ARHGAP32: variants seen among roughly 807,000 people sequenced by gnomAD.
ARHGAP32 encodes the protein Rho GTPase activating protein 32.
ARHGAP32 carries 51 observed loss-of-function variants against 186.5 expected under a neutral mutation model. That is an observed-to-expected ratio of 0.27 (90% confidence interval 0.22 to 0.35). The LOEUF (loss-of-function observed/expected upper bound fraction) is 0.35. ARHGAP32 is among the 10% of genes least tolerant of loss of function. The pLI is 1.00. For missense variants in ARHGAP32, 2,186 were observed against 2,623.5 expected (o/e 0.83, Z 3.64); for synonymous variants, 950 against 964.3 (o/e 0.99, Z 0.27).
In ARHGAP32 at chr11:129,237,111, T is replaced by C. The variant is rs186001062; in HGVS notation, c.-5+42035A>G. 7.1e-4 allele frequency among the ~76,000 whole-genome samples: 108 copies of C among 152,312 alleles called. 1 individual carries two copies. The highest frequency in any genetic ancestry group is 3.4e-3 in the Middle Eastern group (1 of 294). On this transcript the variant is annotated intron_variant, in intron 1 of 6. Coordinates refer to the ARHGAP32 transcript ENST00000525234. Reference sequence around the variant, plus strand: ...CCCTGGTATGAAACCCACTTGATCATGGTAGATTATCTTTTTGATATGCTG... The same window carrying C: ...CCCTGGTATGAAACCCACTTGATCACGGTAGATTATCTTTTTGATATGCTG...
In ARHGAP32 at chr11:128,970,747, G is replaced by A. The variant is rs774867129; in HGVS notation, c.4466C>T (p.Ser1489Phe). ...AGTGGTGACATCGGGCCTAGCAAAG[G>A]AGGAGTAAACTGTTTTCTGAGAAGC... The part of the protein sequence containing the change: ...KHASQKTVYS[S>F]FARPDVTTEP... The change falls in exon 23 of 23, where the codon TCC becomes TTC. Residue 1489 changes from serine (S) to phenylalanine (F), a missense_variant. Around this residue, in one of 5 missense-constraint regions of ARHGAP32, gnomAD observed 1,502 missense variants for 1,570.0 expected, o/e 0.96. Transcript: ENST00000682385. This position sits in a 1 kb window ranked among gnomAD's most constrained non-coding sequence, Gnocchi z 5.8. 5 of 1,614,182 alleles carry A rather than the reference G, an allele frequency of 3.1e-6. No homozygotes were observed. In the South Asian group the frequency reaches 5.5e-5, roughly 18 times the overall value.
At chr11:129,089,815 A>G (rs1941522851) in intron 6 of ARHGAP32, among the ~76,000 whole-genome samples, 2 of 152,238 alleles carry the variant, frequency 1.3e-5, no homozygotes, top group Admixed American at 1.3e-4. Context: ...GCTTGGTAAC[A>G]ATAAAAATGG....
chr11:129,061,896 G>C (rs1258603039), intron 10 of ARHGAP32, among the ~76,000 whole-genome samples: 1 of 152,142 alleles, frequency 6.6e-6, no homozygotes, highest in East Asian at 1.9e-4. Flanking sequence ...TTACATAACA[G>C]TTACAATGCC....
chr11:129,051,248 C>T (rs490885), intron 10 of ARHGAP32, among the ~76,000 whole-genome samples: 65,562 of 152,036 alleles, frequency 0.43, 14,643 homozygotes, highest in Middle Eastern at 0.59. Flanking sequence ...AACTAATTTA[C>T]ACTCCCGCCA....
intron 2 of ARHGAP32, among the ~76,000 whole-genome samples, chr11:129,135,124 C>T (rs985860750): frequency 6.6e-6 from 1 of 152,150 alleles, no homozygotes; most frequent in Non-Finnish European, 1.5e-5. Context: ...AATGTCAAGG[C>T]ATCAATTCTT....
intron 12 of ARHGAP32, among the ~76,000 whole-genome samples, chr11:128,992,740 T>C (rs186977943): frequency 6.6e-6 from 1 of 152,168 alleles, no homozygotes; most frequent in African/African-American, 2.4e-5. Flanking sequence ...TGAGCCGAGA[T>C]TGTGCCATTA....
chr11:128,971,667 C>T (rs1022807478), intron 22 of ARHGAP32: 1 of 154,082 alleles, frequency 6.5e-6, no homozygotes, highest in Non-Finnish European at 1.4e-5. Flanking sequence ...CTCTCTCCTA[C>T]CTTTGATTCC....
chr11:129,102,884 C>G (rs372823900), intron 5 of ARHGAP32, among the ~76,000 whole-genome samples: 2 of 152,050 alleles, frequency 1.3e-5, no homozygotes, highest in African/African-American at 4.8e-5. Flanking sequence ...GTATACACCC[C>G]CCAAAGACAA....
At chr11:129,089,845 A>G (rs1038987931) in intron 6 of ARHGAP32, among the ~76,000 whole-genome samples, 2 of 152,260 alleles carry the variant, frequency 1.3e-5, no homozygotes, top group African/African-American at 4.8e-5. Flanking sequence ...GACAAATTTT[A>G]GAAATAACTG....
intron 1 of ARHGAP32, among the ~76,000 whole-genome samples, chr11:129,278,232 T>C (rs564413876): frequency 1.3e-5 from 2 of 152,390 alleles, no homozygotes; most frequent in East Asian, 3.9e-4. Flanking sequence ...ATGGCCCAGC[T>C]GCCAGCTAGC....
chr11:128,986,246 C>T (rs1454100030), intron 14 of ARHGAP32, among the ~76,000 whole-genome samples, 161 bp from the exon 15 acceptor site: 2 of 152,144 alleles, frequency 1.3e-5, no homozygotes, highest in African/African-American at 2.4e-5. Flanking sequence ...TGTTTCCACA[C>T]AGTGTGAACA....
rs1450405436 is a variant in ARHGAP32, at chr11:128,966,002, C to G, written c.*2905G>C. ...CCTAGTCGTGGGACCATCCCAGGGA[C>G]TTGCAGGTTTGAAACGAAATTGAAT... is the stretch of plus-strand genomic sequence containing the variant. On this transcript the variant is annotated 3_prime_UTR_variant, in exon 23 of 23. Transcript: ENST00000682385. 1 of 152,182 alleles carries G rather than the reference C, an allele frequency of 6.6e-6. No homozygotes were observed. The highest frequency in any genetic ancestry group is 2.4e-5 in the African/African-American group (1 of 41,440). The allele number at this position is 152,182 out of a possible 1,614,324, so 9.4% of individuals were successfully genotyped here.
intron 1 of ARHGAP32, among the ~76,000 whole-genome samples, chr11:129,241,914 T>C (rs915038000): frequency 2.4e-4 from 36 of 152,136 alleles, no homozygotes; most frequent in African/African-American, 7.7e-4. Context: ...AATAAAAACA[T>C]AGTATTTACA....
intron 12 of ARHGAP32, among the ~76,000 whole-genome samples, chr11:128,997,641 TC>T (rs1420927101): frequency 6.6e-6 from 1 of 151,800 alleles, no homozygotes; most frequent in Admixed American, 6.6e-5. Context: ...CTCCTATCCA[TC>T]CCCCCATCCA....
chr11:129,193,665 AT>A (rs1944338555), upstream of ARHGAP32, among the ~76,000 whole-genome samples: 3 of 61,902 alleles, frequency 4.8e-5, no homozygotes, highest in African/African-American at 6.5e-5. Flanking sequence ...TACAATATAT[AT>A]TATATATAAT....
At chr11:129,171,942 T>C (rs895999518) in intron 1 of ARHGAP32, among the ~76,000 whole-genome samples, 4 of 152,146 alleles carry the variant, frequency 2.6e-5, no homozygotes, top group Non-Finnish European at 5.9e-5. Flanking sequence ...ATTATGAATG[T>C]GAGTTCATTC....
At chr11:129,044,094 C>T (rs1939711086) in intron 10 of ARHGAP32, among the ~76,000 whole-genome samples, 2 of 151,984 alleles carry the variant, frequency 1.3e-5, no homozygotes, top group African/African-American at 2.4e-5. Context: ...TAACACATGG[C>T]TACAAAAAAG....
At chr11:129,233,891 TA>T (rs1228231619) in intron 1 of ARHGAP32, among the ~76,000 whole-genome samples, 1 of 152,050 alleles carries the variant, frequency 6.6e-6, no homozygotes, top group East Asian at 1.9e-4. Flanking sequence ...TAATGCTATA[TA>T]TTTTTTACGG....
intron 2 of ARHGAP32, among the ~76,000 whole-genome samples, chr11:129,158,187 CT>C (rs1943453404): frequency 6.6e-6 from 1 of 152,100 alleles, no homozygotes; most frequent in Non-Finnish European, 1.5e-5. Context: ...AAATAACCAG[CT>C]AGCATCATAA....
Sources: allele counts gnomAD v4.1 joint callset (sites outside exome capture counted in the v4.1 genomes callset), GRCh38; gene constraint gnomAD v4.1.1; regional missense constraint gnomAD v4.1.1; non-coding constraint Gnocchi (gnomAD v3.1); transcripts MANE v1.5; gene names NCBI Gene and HGNC (gene_info 2026-07-23, HGNC 2026-07-21).